The following MGAT4C variants were observed in gnomAD, a reference collection of about 807,000 sequenced individuals.
MGAT4C encodes the protein alpha-1,3-mannosyl-glycoprotein 4-beta-N-acetylglucosaminyltransferase C.
A neutral mutation model predicts 40.1 loss-of-function variants in MGAT4C; 19 were observed. The ratio of observed to expected loss-of-function variants is 0.47; its 90% confidence interval spans 0.33 to 0.70. The LOEUF (loss-of-function observed/expected upper bound fraction) is 0.70, where lower values mean the gene tolerates loss of function less well. Ranked by LOEUF, MGAT4C falls within the 30% of genes least tolerant of loss-of-function variation. The probability of loss-of-function intolerance (pLI) is 0.02; values close to 1 mark genes in which losing one functional copy is unlikely to be tolerated. For synonymous variants in MGAT4C, 181 were observed against 187.1 expected, an observed-to-expected ratio of 0.97 and a Z score of 0.27; for missense variants, 491 against 563.2, an observed-to-expected ratio of 0.87 and a Z score of 1.30.
intron 1 of MGAT4C, among the ~76,000 whole-genome samples, chr12:86,821,684 G>A (rs2136227151): frequency 6.6e-6 from 1 of 150,924 alleles, no homozygotes; most frequent in Admixed American, 6.6e-5. Flanking sequence ...TTTCATTATA[G>A]GTTAGAACTG....
At chr12:86,071,964 C>G (rs955664934) in intron 1 of MGAT4C, among the ~76,000 whole-genome samples, 3 of 152,004 alleles carry the variant, frequency 2.0e-5, no homozygotes, top group Admixed American at 6.6e-5. Context: ...ATCTCTTGCT[C>G]TCATTAGCTT....
intron 1 of MGAT4C, among the ~76,000 whole-genome samples, chr12:86,769,287 T>A (rs1339208473): frequency 6.6e-6 from 1 of 152,022 alleles, no homozygotes; most frequent in Non-Finnish European, 1.5e-5. Context: ...TCACTGGCCA[T>A]CAGAGAAATG....
intron 4 of MGAT4C, among the ~76,000 whole-genome samples, chr12:86,285,847 T>C (rs1009304043): frequency 1.4e-4 from 22 of 152,092 alleles, no homozygotes; most frequent in South Asian, 4.1e-4. Context: ...TGAAATATTA[T>C]GCATATATTT....
chr12:86,801,438 G>A (rs576528928), intron 1 of MGAT4C, among the ~76,000 whole-genome samples: 2 of 151,958 alleles, frequency 1.3e-5, no homozygotes, highest in East Asian at 3.9e-4. Context: ...GAATATGAGT[G>A]ATAAAAGCAG....
At chr12:86,810,004 G>A (rs555918443) in intron 1 of MGAT4C, among the ~76,000 whole-genome samples, 123 of 152,028 alleles carry the variant, frequency 8.1e-4, no homozygotes, top group Non-Finnish European at 1.5e-3. Context: ...AACAAAAGTT[G>A]TCTCTTCATT....
At chr12:86,595,976 C>G (rs1352556206) in intron 2 of MGAT4C, among the ~76,000 whole-genome samples, 1 of 152,126 alleles carries the variant, frequency 6.6e-6, no homozygotes, top group Non-Finnish European at 1.5e-5. Flanking sequence ...CCCCGTCCCC[C>G]CTTGAAAGGG....
At chr12:86,431,324 C>G (rs1400868889) in intron 3 of MGAT4C, among the ~76,000 whole-genome samples, 1 of 152,090 alleles carries the variant, frequency 6.6e-6, no homozygotes, top group African/African-American at 2.4e-5. Context: ...TTTAGCCATA[C>G]CATTTTGCCT....
intron 3 of MGAT4C, among the ~76,000 whole-genome samples, chr12:86,345,574 T>C (rs1349787941): frequency 6.6e-6 from 1 of 152,122 alleles, no homozygotes; most frequent in Non-Finnish European, 1.5e-5. Flanking sequence ...TGGTTTCCAG[T>C]TTCATCCATG....
intron 2 of MGAT4C, among the ~76,000 whole-genome samples, chr12:86,531,549 A>G (rs2136373173): frequency 6.6e-6 from 1 of 152,214 alleles, no homozygotes; most frequent in Admixed American, 6.6e-5. Flanking sequence ...AGCAAATTGC[A>G]TATTTAAAAT....
rs140014629 is a variant in MGAT4C at position 86,556,631 on chromosome 12, T to C, written c.-228-121366A>G. Among the ~76,000 whole-genome samples the C allele has an allele frequency of 3.0e-3, 455 of 152,326 alleles. 2 individuals are homozygous for C. Among genetic ancestry groups the C allele is most frequent in the African/African-American group, 0.01 (434 of 41,588 alleles). On this transcript the variant is annotated intron_variant, in intron 2 of 7. Coordinates refer to the MGAT4C transcript ENST00000548651. ...TGAATTTTTAAAAAGCCGTAATGCA[T>C]GCAGTAATTATTGCTGATATTTTTT... is the stretch of plus-strand genomic sequence containing the variant.
At chr12:86,594,079 G>A (rs1420726704) in intron 2 of MGAT4C, among the ~76,000 whole-genome samples, 1 of 152,170 alleles carries the variant, frequency 6.6e-6, no homozygotes, top group African/African-American at 2.4e-5. Flanking sequence ...CCGCAGTACT[G>A]TGTCCAAGGT....
At chr12:86,650,909 T>C (rs547863935) in intron 2 of MGAT4C, among the ~76,000 whole-genome samples, 126 of 151,980 alleles carry the variant, frequency 8.3e-4, no homozygotes, top group African/African-American at 2.9e-3. Flanking sequence ...AGTAACATAA[T>C]TGGAATCAGG....
rs376008795 is a variant in MGAT4C at position 86,570,768 on chromosome 12, G to A, written c.-228-135503C>T. ...ATATACAACTACTTCAATTATAGCC[G>A]TGTCCATCTATTACCCCCATGTTAT... On this transcript the variant is annotated intron_variant, in intron 2 of 7. Transcript: ENST00000548651. Among the ~76,000 whole-genome samples the A allele has an allele frequency of 1.1e-4, 16 of 152,054 alleles. No individual in the cohort carries two copies. The East Asian group carries it at 2.9e-3, about 28-fold the overall frequency.
intron 2 of MGAT4C, among the ~76,000 whole-genome samples, chr12:86,564,294 T>C (rs1025596733): frequency 4.8e-5 from 7 of 144,496 alleles, no homozygotes; most frequent in Admixed American, 2.1e-4. Flanking sequence ...GGCAAATCCC[T>C]TTTTTTTTTT....
chr12:85,983,165 T>G (rs1200873014), intron 4 of MGAT4C, among the ~76,000 whole-genome samples: 3 of 152,202 alleles, frequency 2.0e-5, no homozygotes, highest in African/African-American at 7.2e-5. Context: ...TGGCAAGTCA[T>G]AAAACCAAAC....
intron 2 of MGAT4C, among the ~76,000 whole-genome samples, chr12:86,008,351 A>G (rs1020077976): frequency 1.3e-5 from 2 of 152,000 alleles, no homozygotes; most frequent in Non-Finnish European, 2.9e-5. Context: ...TTTATTTTTC[A>G]GTGATGCTGA....
At chr12:86,156,885 CAGA>C (rs1435230516) in intron 1 of MGAT4C, among the ~76,000 whole-genome samples, 1 of 152,050 alleles carries the variant, frequency 6.6e-6, no homozygotes. Flanking sequence ...GATAATTCTC[CAGA>C]AGAAAATAGC....
chr12:86,825,468 A>G (rs1259813989), intron 1 of MGAT4C, among the ~76,000 whole-genome samples: 1 of 151,328 alleles, frequency 6.6e-6, no homozygotes, highest in East Asian at 1.9e-4. Flanking sequence ...AAACAAGTAT[A>G]TATTTAGGCC....
At chr12:86,533,647 T>C (rs183407478) in intron 2 of MGAT4C, among the ~76,000 whole-genome samples, 30 of 151,702 alleles carry the variant, frequency 2.0e-4, no homozygotes, top group African/African-American at 7.0e-4. Flanking sequence ...ACACACATTA[T>C]TGTATATACA....
Sources: allele counts gnomAD v4.1 joint callset (sites outside exome capture counted in the v4.1 genomes callset), GRCh38; gene constraint gnomAD v4.1.1; transcripts MANE v1.5; gene names NCBI Gene and HGNC (gene_info 2026-07-23, HGNC 2026-07-21).